Variants in SDK1 observed in about 807,000 individuals in gnomAD.
SDK1 encodes sidekick cell adhesion molecule 1.
SDK1 carries 157 observed loss-of-function variants against 245.5 expected under a neutral mutation model. The ratio of observed to expected loss-of-function variants is 0.64; its 90% confidence interval spans 0.56 to 0.73. SDK1 has a LOEUF of 0.73. Among genes scored for constraint, SDK1 ranks in the 30% least tolerant of loss-of-function variants. SDK1 has a pLI of 0.00. For synonymous variants in SDK1, 1,647 were observed against 1,278.5 expected (o/e 1.29, Z -6.15); for missense variants, 3,583 against 3,002.3 (o/e 1.19, Z -4.52).
intron 22 of SDK1, among the ~76,000 whole-genome samples, chr7:4,103,779 A>G (rs1225390641): frequency 2.6e-5 from 4 of 152,222 alleles, no homozygotes; most frequent in African/African-American, 9.7e-5. Flanking sequence ...ACATGTGGTG[A>G]GAGGACTCAG....
intron 17 of SDK1, among the ~76,000 whole-genome samples, chr7:4,039,905 T>C (rs1370203323): frequency 7.3e-6 from 1 of 136,692 alleles, no homozygotes; most frequent in African/African-American, 3.2e-5. Flanking sequence ...ATAATAATTA[T>C]AAACATAATC....
chr7:3,503,385 G>A (rs896138698), intron 1 of SDK1, among the ~76,000 whole-genome samples: 3 of 152,156 alleles, frequency 2.0e-5, no homozygotes, highest in Non-Finnish European at 4.4e-5. Context: ...CACAAGTTAA[G>A]AAAACAACTT....
chr7:3,668,175 CT>C (rs1783594303), intron 4 of SDK1, among the ~76,000 whole-genome samples: 1 of 152,272 alleles, frequency 6.6e-6, no homozygotes, highest in Non-Finnish European at 1.5e-5. Flanking sequence ...TGAAACCCAT[CT>C]TAGAACAAAA....
chr7:4,194,294 G>T (rs1386324847), intron 35 of SDK1, among the ~76,000 whole-genome samples: 4 of 100,498 alleles, frequency 4.0e-5, no homozygotes, highest in Admixed American at 9.0e-5. Flanking sequence ...ATGTATGCAC[G>T]TATGTGTATA....
intron 32 of SDK1, among the ~76,000 whole-genome samples, chr7:4,162,535 G>T (rs1384288707): frequency 6.6e-6 from 1 of 151,870 alleles, no homozygotes; most frequent in Non-Finnish European, 1.5e-5. Context: ...AAGTAGCTGG[G>T]ATTACAGGCG....
intron 1 of SDK1, among the ~76,000 whole-genome samples, chr7:3,536,126 G>T (rs1034376699): frequency 4.0e-5 from 6 of 151,008 alleles, no homozygotes; most frequent in Non-Finnish European, 2.9e-5. Context: ...GTGCGATCTC[G>T]GCTCACTGCA....
intron 4 of SDK1, among the ~76,000 whole-genome samples, chr7:3,810,119 G>A (rs1219930854): frequency 6.6e-6 from 1 of 152,174 alleles, no homozygotes; most frequent in Non-Finnish European, 1.5e-5. Context: ...ATTGACTGCT[G>A]TTTGCAGAGT....
intron 17 of SDK1, among the ~76,000 whole-genome samples, chr7:4,023,631 A>G (rs990628645): frequency 5.9e-5 from 9 of 152,220 alleles, no homozygotes; most frequent in African/African-American, 2.2e-4. Flanking sequence ...CCGAGTGCCC[A>G]GTATAATTAG....
At chr7:3,735,171 G>A (rs1779284692) in intron 4 of SDK1, among the ~76,000 whole-genome samples, 1 of 152,014 alleles carries the variant, frequency 6.6e-6, no homozygotes, top group South Asian at 2.1e-4. Context: ...ATTAATTGTG[G>A]TAGAATGTTC....
At chr7:3,723,674 G>A (rs531618576) in intron 4 of SDK1, among the ~76,000 whole-genome samples, 1 of 151,344 alleles carries the variant, frequency 6.6e-6, no homozygotes, top group African/African-American at 2.4e-5. Context: ...GTGTGTGTGT[G>A]TGTGTATACG....
chr7:3,542,494 G>A (rs547839893), intron 1 of SDK1, among the ~76,000 whole-genome samples: 1 of 152,298 alleles, frequency 6.6e-6, no homozygotes, highest in South Asian at 2.1e-4. Flanking sequence ...GGGCTGAAAT[G>A]GGAGACATCG....
chr7:3,672,851 C>T (rs1284980549), intron 4 of SDK1, among the ~76,000 whole-genome samples: 3 of 128,456 alleles, frequency 2.3e-5, no homozygotes, highest in Non-Finnish European at 3.2e-5. Context: ...AAATAGGCAC[C>T]TACAATGAGG....
In SDK1 at chr7:3,625,076, G is replaced by A. The variant is rs149457479; in HGVS notation, c.458+5837G>A. 4.8e-3 allele frequency among the ~76,000 whole-genome samples: 723 copies of A among 152,074 alleles called. 10 individuals are homozygous for A. The highest frequency in any genetic ancestry group is 0.016 in the African/African-American group (680 of 41,478). Reference sequence around the variant, plus strand: ...TTAAATTATATATATATTCAAATGAGTTCTCAAACCAATGCTAAAAACAAC... The same window carrying A: ...TTAAATTATATATATATTCAAATGAATTCTCAAACCAATGCTAAAAACAAC... On this transcript the variant is annotated intron_variant, in intron 2 of 44. Transcript: ENST00000404826.
chr7:4,032,594 A>G (rs1307089621), intron 17 of SDK1, among the ~76,000 whole-genome samples: 1 of 149,362 alleles, frequency 6.7e-6, no homozygotes, highest in African/African-American at 2.6e-5. Flanking sequence ...ATATCTGGAA[A>G]CTACTATGAG....
chr7:3,809,037 A>G (rs544520075), intron 4 of SDK1, among the ~76,000 whole-genome samples: 4 of 152,138 alleles, frequency 2.6e-5, no homozygotes, highest in Non-Finnish European at 5.9e-5. Context: ...AGAATACCCA[A>G]GACGGGGTAA....
chr7:3,343,933 C>G (rs1032662118), intron 1 of SDK1, among the ~76,000 whole-genome samples: 1 of 147,048 alleles, frequency 6.8e-6, no homozygotes, highest in Admixed American at 6.9e-5. Flanking sequence ...ATATTACGGA[C>G]ATATTATTGA....
At chr7:3,382,095 T>C (rs1469502327) in intron 1 of SDK1, among the ~76,000 whole-genome samples, 1 of 152,130 alleles carries the variant, frequency 6.6e-6, no homozygotes, top group East Asian at 1.9e-4. Flanking sequence ...CGTTACTAGT[T>C]GTCCTCATTT....
intron 1 of SDK1, among the ~76,000 whole-genome samples, chr7:3,415,696 A>G (rs73300376): frequency 0.02 from 2,986 of 149,792 alleles, 108 homozygotes; most frequent in African/African-American, 0.069. Flanking sequence ...TCCTTACCAT[A>G]TATTTATATA....
chr7:3,983,557 G>A (rs1362434260), intron 13 of SDK1, among the ~76,000 whole-genome samples: 1 of 152,208 alleles, frequency 6.6e-6, no homozygotes, highest in Non-Finnish European at 1.5e-5. Flanking sequence ...CTGCAGTAGA[G>A]TATAAACAGA....
Sources: allele counts gnomAD v4.1 joint callset (sites outside exome capture counted in the v4.1 genomes callset), GRCh38; gene constraint gnomAD v4.1.1; transcripts MANE v1.5; gene names NCBI Gene and HGNC (gene_info 2026-07-23, HGNC 2026-07-21).